The following WWOX variants were observed in gnomAD, a reference collection of about 807,000 sequenced individuals.
WWOX encodes WW domain-containing oxidoreductase.
WWOX carries 69 observed loss-of-function variants against 46.2 expected under a neutral mutation model. The observed-to-expected ratio is 1.49, with a 90% confidence interval of 1.23 to 1.82. WWOX has a LOEUF of 1.82. Among genes scored for constraint, WWOX ranks in the 40% most tolerant of loss-of-function variants. WWOX has a pLI of 0.00. For synonymous variants in WWOX, 359 were observed against 202.6 expected (o/e 1.77, Z -6.56); for missense variants, 919 against 542.6 (o/e 1.69, Z -6.89).
chr16:78,470,954 C>G (rs538186753), intron 8 of WWOX, among the ~76,000 whole-genome samples: 105 of 152,306 alleles, frequency 6.9e-4, no homozygotes, highest in African/African-American at 2.4e-3. Context: ...GGCTGTATGA[C>G]AGATTCTAGC....
intron 8 of WWOX, among the ~76,000 whole-genome samples, chr16:79,026,933 C>G (rs1044142369): frequency 4.6e-5 from 7 of 151,106 alleles, no homozygotes; most frequent in African/African-American, 1.5e-4. Flanking sequence ...CTGGGCGGCA[C>G]GTGGTAGACT....
intron 5 of WWOX, among the ~76,000 whole-genome samples, chr16:78,178,343 T>A (rs1264141301): frequency 6.6e-6 from 1 of 152,194 alleles, no homozygotes; most frequent in African/African-American, 2.4e-5. Context: ...AGCCCAAAAT[T>A]GTCTCTGTTT....
intron 8 of WWOX, among the ~76,000 whole-genome samples, chr16:79,111,833 G>T (rs1004224484): frequency 1.3e-5 from 2 of 152,078 alleles, no homozygotes; most frequent in African/African-American, 4.8e-5. Context: ...GTGTCCACTG[G>T]GCCTGGCAGG....
intron 5 of WWOX, among the ~76,000 whole-genome samples, chr16:78,326,198 T>A (rs982954941): frequency 6.6e-6 from 1 of 152,132 alleles, no homozygotes; most frequent in African/African-American, 2.4e-5. Context: ...CACAGCTAGA[T>A]CACAGTGGGG....
At chr16:78,590,221 A>G (rs1028378041) in intron 8 of WWOX, among the ~76,000 whole-genome samples, 2 of 152,062 alleles carry the variant, frequency 1.3e-5, no homozygotes, top group Non-Finnish European at 2.9e-5. Flanking sequence ...TCGTGGTTCT[A>G]GAGGCTGGAA....
At chr16:79,185,324 C>T (rs866839091) in intron 8 of WWOX, among the ~76,000 whole-genome samples, 2 of 152,188 alleles carry the variant, frequency 1.3e-5, no homozygotes, top group African/African-American at 2.4e-5. Context: ...TCAACCCATC[C>T]TCCGCTTTGG....
At chr16:78,255,806 T>C (rs1480604863) in intron 5 of WWOX, among the ~76,000 whole-genome samples, 5 of 152,186 alleles carry the variant, frequency 3.3e-5, no homozygotes, top group African/African-American at 1.2e-4. Context: ...TATGAGGTCT[T>C]ATTATTCTCA....
At chr16:78,412,045 C>T (rs2082693525) in intron 6 of WWOX, among the ~76,000 whole-genome samples, 1 of 152,148 alleles carries the variant, frequency 6.6e-6, no homozygotes, top group Non-Finnish European at 1.5e-5. Context: ...TGAGGGTGCC[C>T]TCCAGCAATG....
chr16:78,206,157 G>T (rs2036389182), intron 5 of WWOX, among the ~76,000 whole-genome samples: 2 of 151,926 alleles, frequency 1.3e-5, no homozygotes, highest in African/African-American at 4.8e-5. Flanking sequence ...GTTCTATTGG[G>T]AACCATTTCA....
chr16:78,694,195 A>G (rs531639504), intron 8 of WWOX, among the ~76,000 whole-genome samples: 3 of 152,180 alleles, frequency 2.0e-5, no homozygotes, highest in East Asian at 1.9e-4. Flanking sequence ...CCTGGGCAAC[A>G]GAGAGAAACT....
In WWOX at chr16:78,985,864, C is replaced by G. The variant is rs74649290; in HGVS notation, c.1057-225744C>G. On this transcript the variant is annotated intron_variant, in intron 8 of 8. Coordinates refer to ENST00000566780, the MANE Select transcript of WWOX (RefSeq NM_016373.4). Reference sequence around the variant, plus strand: ...GGAGTGTAGAAGTTGCAGCTCATGCCTGCATTCCAAATGGCTGCCTTCTGC... The same window carrying G: ...GGAGTGTAGAAGTTGCAGCTCATGCGTGCATTCCAAATGGCTGCCTTCTGC... Among the ~76,000 whole-genome samples, 836 of 152,358 alleles carry G rather than the reference C, an allele frequency of 5.5e-3. 13 individuals are homozygous for G. Among genetic ancestry groups the G allele is most frequent in the African/African-American group, 0.019 (789 of 41,590 alleles).
At chr16:78,996,931 A>G (rs917419197) in intron 8 of WWOX, among the ~76,000 whole-genome samples, 2 of 152,246 alleles carry the variant, frequency 1.3e-5, no homozygotes, top group African/African-American at 2.4e-5. Context: ...GTTTTCAAAC[A>G]CAAGCATCCT....
At chr16:79,023,612 A>C (rs111378451) in intron 8 of WWOX, among the ~76,000 whole-genome samples, 1 of 152,118 alleles carries the variant, frequency 6.6e-6, no homozygotes, top group Admixed American at 6.6e-5. Context: ...GGTCTGTGCT[A>C]CAACTGGGAT....
At chr16:78,693,782 ATTG>A (rs1296117034) in intron 8 of WWOX, among the ~76,000 whole-genome samples, 2 of 152,152 alleles carry the variant, frequency 1.3e-5, no homozygotes, top group Non-Finnish European at 2.9e-5. Flanking sequence ...AAGGCTGAGA[ATTG>A]TTGATCTAGG....
chr16:78,487,144 A>C (rs2084658517), intron 8 of WWOX, among the ~76,000 whole-genome samples: 2 of 152,224 alleles, frequency 1.3e-5, no homozygotes, highest in Non-Finnish European at 2.9e-5. Context: ...TGGTGACATC[A>C]GACTATGTTT....
intron 8 of WWOX, chr16:78,495,794 C>T (rs1367146241): frequency 6.6e-6 from 1 of 152,214 alleles, no homozygotes; most frequent in East Asian, 1.9e-4. Context: ...AGGTGTGGGC[C>T]ACTGTGCCCG....
intron 8 of WWOX, among the ~76,000 whole-genome samples, chr16:78,491,866 C>A (rs974511673): frequency 6.6e-6 from 1 of 152,176 alleles, no homozygotes; most frequent in Non-Finnish European, 1.5e-5. Context: ...CTCCCCTTTA[C>A]ACATTGCCGT....
At chr16:78,991,727 C>T (rs550390283) in intron 8 of WWOX, among the ~76,000 whole-genome samples, 2 of 152,230 alleles carry the variant, frequency 1.3e-5, no homozygotes, top group African/African-American at 2.4e-5. Flanking sequence ...AACCCCTCCT[C>T]GTGGTGATGT....
chr16:78,671,060 C>A (rs1322711482), intron 8 of WWOX, among the ~76,000 whole-genome samples: 1 of 152,146 alleles, frequency 6.6e-6, no homozygotes, highest in Non-Finnish European at 1.5e-5. Flanking sequence ...TCCTGCAGAA[C>A]CCCCAGAAGG....
Sources: allele counts gnomAD v4.1 joint callset (sites outside exome capture counted in the v4.1 genomes callset), GRCh38; gene constraint gnomAD v4.1.1; transcripts MANE v1.5; gene names NCBI Gene and HGNC (gene_info 2026-07-23, HGNC 2026-07-21).